The following LDHA variants were observed in gnomAD, a reference collection of about 807,000 sequenced individuals.
LDHA encodes L-lactate dehydrogenase A chain.
Under a neutral mutation model 36.3 loss-of-function variants are expected in LDHA, and 10 were observed. The observed-to-expected ratio is 0.28, with a 90% confidence interval of 0.17 to 0.47. The LOEUF (loss-of-function observed/expected upper bound fraction) is 0.47. LDHA is among the 20% of genes least tolerant of loss of function. LDHA has a pLI of 0.99. For synonymous variants in LDHA, 110 were observed against 136.7 expected (o/e 0.80, Z 1.36); for missense variants, 267 against 405.8 (o/e 0.66, Z 2.94).
At chr11:18,397,627 C>T (rs148821053) in intron 2 of LDHA, among the ~76,000 whole-genome samples, 121 of 152,070 alleles carry the variant, frequency 8.0e-4, no homozygotes, top group Middle Eastern at 3.4e-3. Flanking sequence ...CTGGCTAACA[C>T]GATGAAACCC....
intron 5 of LDHA, among the ~76,000 whole-genome samples, chr11:18,403,215 G>A (rs544869809): frequency 9.9e-5 from 15 of 152,170 alleles, no homozygotes; most frequent in South Asian, 8.3e-4. Flanking sequence ...CGAGGGGGAC[G>A]GGAAATGAAA....
intron 4 of LDHA, 154 bp downstream of exon 4, chr11:18,401,164 T>A (rs565780118): frequency 5.6e-4 from 175 of 312,422 alleles, no homozygotes; most frequent in African/African-American, 3.4e-3. Flanking sequence ...ATATATATAT[T>A]TTGAGGCGGA....
Position 18,407,793 on chromosome 11 carries a change from A to AC in LDHA, c.*514dup, listed in dbSNP as rs1256002964. 6.6e-6 allele frequency: 3 copies of AC among 455,750 alleles called. No homozygotes were observed. The highest frequency in any genetic ancestry group is 1.6e-5 in the South Asian group (1 of 64,498). The allele number at this position is 455,750 out of a possible 1,614,324, so 28.2% of individuals were successfully genotyped here. A position where few individuals can be genotyped will look rare whatever the true frequency, so the allele number is the denominator to read the frequency against. The stretch of plus-strand genomic sequence containing the variant: ...AAAAGATCTACATACAAACAATGCA[A>AC]CCAACTATCCAAGTGTTATACCAAC... On this transcript the variant is annotated 3_prime_UTR_variant, in exon 8 of 8. Coordinates refer to ENST00000422447, the MANE Select transcript of LDHA (RefSeq NM_005566.4).
Position 18,408,116 on chromosome 11 carries a change from A to G in LDHA, c.*835A>G, listed in dbSNP as rs886048092. 1.8e-5 allele frequency: 8 copies of G among 453,950 alleles called. No homozygotes were observed. Among genetic ancestry groups the G allele is most frequent in the Non-Finnish European group, 3.5e-5 (8 of 226,772 alleles). The allele number at this position is 453,950 out of a possible 1,614,324, so 28.1% of individuals were successfully genotyped here. A position where few individuals can be genotyped will look rare whatever the true frequency, so the allele number is the denominator to read the frequency against. On this transcript the variant is annotated 3_prime_UTR_variant, in exon 8 of 8. Transcript: ENST00000422447. ...TATGTAAATGTAAAATTTATTTGCC[A>G]ACTGAATATAGGCAATGATAGTGTG...
chr11:18,396,585 C>T (rs559240574), intron 1 of LDHA: 2 of 1,381,680 alleles, frequency 1.4e-6, no homozygotes, highest in Non-Finnish European at 1.9e-6. Context: ...TACACCCAAA[C>T]GTCGATATTC....
rs763665163 is a variant in LDHA, at chr11:18,403,064, C to T, written c.592+51C>T. ...TTTTTGAAAAGATTATATAAAAAGT[C>T]GATGGGCATTATATTATTCAATTAG... On this transcript the variant is annotated intron_variant, in intron 5 of 7. Coordinates refer to ENST00000422447, the MANE Select transcript of LDHA (RefSeq NM_005566.4). 17 of 1,470,948 alleles carry T rather than the reference C, an allele frequency of 1.2e-5. No homozygotes were observed. In the Admixed American group the frequency reaches 1.9e-4, roughly 16 times the overall value. The allele number at this position is 1,470,948 out of a possible 1,614,324, so 91.1% of individuals were successfully genotyped here. A position where few individuals can be genotyped will look rare whatever the true frequency, so the allele number is the denominator to read the frequency against.
At chr11:18,403,611 A>G in intron 5 of LDHA, 83 bp from the exon 6 acceptor site, 1 of 923,286 alleles carries the variant, frequency 1.1e-6, no homozygotes, top group East Asian at 2.4e-5. Flanking sequence ...CTTCCTCCGA[A>G]GATAAGAGAA....
rs1866735506 is a variant in LDHA, at chr11:18,407,475, G to A, written c.*194G>A. On this transcript the variant is annotated 3_prime_UTR_variant, in exon 8 of 8. Coordinates refer to ENST00000422447, the MANE Select transcript of LDHA (RefSeq NM_005566.4). The stretch of plus-strand genomic sequence containing the variant: ...CCACAGCTATATCCTGATGCTGGAT[G>A]GTATTAATCTTGTGTAGTCTTCAAC... The A allele has an allele frequency of 8.8e-7, 1 of 1,138,478 alleles. No homozygotes were observed. The highest frequency in any genetic ancestry group is 1.3e-6 in the Non-Finnish European group (1 of 776,284). The allele number at this position is 1,138,478 out of a possible 1,614,324, so 70.5% of individuals were successfully genotyped here. A position where few individuals can be genotyped will look rare whatever the true frequency, so the allele number is the denominator to read the frequency against.
In LDHA at chr11:18,407,475, G is replaced by GGT; in HGVS notation, c.*195_*196dup. Reference sequence around the variant, plus strand: ...CCACAGCTATATCCTGATGCTGGATGGTATTAATCTTGTGTAGTCTTCAAC... The same window carrying GGT: ...CCACAGCTATATCCTGATGCTGGATGGTGTATTAATCTTGTGTAGTCTTCAAC... On this transcript the variant is annotated 3_prime_UTR_variant, in exon 8 of 8. Coordinates refer to ENST00000422447, the MANE Select transcript of LDHA (RefSeq NM_005566.4). 8.8e-7 allele frequency: 1 copy of GGT among 1,138,478 alleles called. No individual in the cohort carries two copies. The highest frequency in any genetic ancestry group is 1.3e-5 in the South Asian group (1 of 75,116). The allele number at this position is 1,138,478 out of a possible 1,614,324, so 70.5% of individuals were successfully genotyped here. A position where few individuals can be genotyped will look rare whatever the true frequency, so the allele number is the denominator to read the frequency against.
Position 18,405,514 on chromosome 11 carries a change from T to TGGCAGAGA in LDHA, c.778_785dup (p.Ser262ArgfsTer5). On this transcript the variant is annotated frameshift_variant, in exon 7 of 8. Transcript: ENST00000422447. LOFTEE classifies it high-confidence loss of function. ...GCTATTGGACTCTCTGTAGCAGATTTGGCAGAGAGTATAATGAAGAATCTT... is the reference window on the plus strand; with the variant it reads ...GCTATTGGACTCTCTGTAGCAGATTTGGCAGAGAGGCAGAGAGTATAATGAAGAATCTT... The TGGCAGAGA allele has an allele frequency of 1.2e-6, 2 of 1,613,726 alleles. No homozygotes were observed. Among genetic ancestry groups the TGGCAGAGA allele is most frequent in the Non-Finnish European group, 1.7e-6 (2 of 1,179,634 alleles).
chr11:18,400,131 A>T (rs1161962450), intron 3 of LDHA: 1 of 178,080 alleles, frequency 5.6e-6, no homozygotes, highest in East Asian at 1.4e-4. Context: ...ACATTGTGTT[A>T]CTTACTTGCC....
rs187328595 is a variant in LDHA, at chr11:18,399,214, G to A, written c.127-217G>A. The stretch of plus-strand genomic sequence containing the variant: ...GAACTCCTATAGAGCTCGCTTCAGT[G>A]GGGAGACAGGGCTGGAGAGAGGGTC... On this transcript the variant is annotated intron_variant, in intron 2 of 7. Transcript: ENST00000422447. 4.7e-4 allele frequency: 245 copies of A among 517,670 alleles called. 2 individuals are homozygous for A. Among genetic ancestry groups the A allele is most frequent in the African/African-American group, 4.3e-3 (225 of 52,024 alleles). The allele number at this position is 517,670 out of a possible 1,614,324, so 32.1% of individuals were successfully genotyped here. A position where few individuals can be genotyped will look rare whatever the true frequency, so the allele number is the denominator to read the frequency against.
At chr11:18,399,880 C>A in intron 3 of LDHA, 2 of 294,324 alleles carry the variant, frequency 6.8e-6, no homozygotes, top group Non-Finnish European at 1.3e-5. Flanking sequence ...CAGGTGTGAA[C>A]CACTGTGCCC....
chr11:18,399,977 C>CAATTTCACTTAGGTGCCTGTGAAT (rs1406072112), intron 3 of LDHA: 4 of 194,030 alleles, frequency 2.1e-5, no homozygotes, highest in Non-Finnish European at 4.3e-5. Flanking sequence ...AGCCTGGGAA[C>CAATTTCACTTAGGTGCCTGTGAAT]AATTTCACTT....
intron 3 of LDHA, 123 bp downstream of exon 3, chr11:18,399,671 C>A: frequency 1.3e-6 from 1 of 767,822 alleles, no homozygotes; most frequent in Non-Finnish European, 2.3e-6. Context: ...AGCCTCGAAC[C>A]CTGGGCTCAA....
rs1358154651 is a variant in LDHA, at chr11:18,408,064, T to C, written c.*783T>C. The C allele has an allele frequency of 2.2e-6, 1 of 453,968 alleles. No homozygotes were observed. Among genetic ancestry groups the C allele is most frequent in the Non-Finnish European group, 4.4e-6 (1 of 226,720 alleles). The allele number at this position is 453,968 out of a possible 1,614,324, so 28.1% of individuals were successfully genotyped here. On this transcript the variant is annotated 3_prime_UTR_variant, in exon 8 of 8. Coordinates refer to ENST00000422447, the MANE Select transcript of LDHA (RefSeq NM_005566.4). ...AGTATTATATATTTGATAATAATGC[T>C]AATCATAATTGGAAAGTAACATTCT... is the stretch of plus-strand genomic sequence containing the variant.
intron 6 of LDHA, 90 bp downstream of exon 6, chr11:18,403,901 G>C: frequency 1.2e-6 from 1 of 837,810 alleles, no homozygotes; most frequent in Admixed American, 1.9e-5. Context: ...TTGCATTTGA[G>C]AACTTTTTGT....
At position 18,403,687 on chromosome 11, in the gene LDHA, CT is replaced by C; in HGVS notation, c.593-3del. On this transcript the variant is annotated splice_polypyrimidine_tract_variant and splice_region_variant and intron_variant, in intron 5 of 7. Transcript: ENST00000422447. ...AAAATAAATGTAGTCTGTACTATTT[CT>C]TTTAGTGCCTGTATGGAGTGGAATG... 1 of 1,482,492 alleles carries C rather than the reference CT, an allele frequency of 6.7e-7. No individual in the cohort carries two copies. The highest frequency in any genetic ancestry group is 9.4e-7 in the Non-Finnish European group (1 of 1,060,270). The allele number at this position is 1,482,492 out of a possible 1,614,324, so 91.8% of individuals were successfully genotyped here.
In LDHA at chr11:18,406,721, G is replaced by GA. The variant is rs879785372; in HGVS notation, c.835-386dup. On this transcript the variant is annotated intron_variant, in intron 7 of 7. Transcript: ENST00000422447. Reference sequence around the variant, plus strand: ...ACAAGAGTGAAACTCCATCTCAAAAGAAAAAAAAAAGCGGCTGGGCTCTGT... The same window carrying GA: ...ACAAGAGTGAAACTCCATCTCAAAAGAAAAAAAAAAAGCGGCTGGGCTCTGT... 1,004 of 121,746 alleles carry GA rather than the reference G, an allele frequency of 8.2e-3. 4 individuals carry two copies. Among genetic ancestry groups the GA allele is most frequent in the African/African-American group, 0.016 (468 of 28,582 alleles). The allele number at this position is 121,746 out of a possible 1,614,324, so 7.5% of individuals were successfully genotyped here.
Sources: gnomAD v4.1 joint callset for allele counts (sites outside exome capture counted in the v4.1 genomes callset) on GRCh38, gnomAD v4.1.1 for gene constraint, MANE v1.5 for transcripts, NCBI Gene and HGNC (gene_info 2026-07-23, HGNC 2026-07-21) for gene names.